The following BDNF variants were observed in gnomAD, a reference collection of about 807,000 sequenced individuals.
BDNF encodes the protein brain derived neurotrophic factor.
BDNF carries 1 observed loss-of-function variant against 19.5 expected under a neutral mutation model. That is an observed-to-expected ratio of 0.05 (90% CI 0.02 to 0.24). The LOEUF is 0.24. Ranked by LOEUF, BDNF falls within the 10% of genes least tolerant of loss-of-function variation. The pLI, the probability that BDNF is intolerant of heterozygous loss-of-function variation, is 1.00. For missense variants in BDNF, 195 were observed against 317.6 expected, an observed-to-expected ratio of 0.61 and a Z score of 2.93; for synonymous variants, 100 against 121.6, an observed-to-expected ratio of 0.82 and a Z score of 1.17.
At chr11:27,698,376 T>C (rs528124081) in intron 1 of BDNF, among the ~76,000 whole-genome samples, 1 of 152,242 alleles carries the variant, frequency 6.6e-6, no homozygotes, top group South Asian at 2.1e-4. Flanking sequence ...CTATGTTACC[T>C]ATTATGTGTA....
At chr11:27,669,809 TATC>T (rs1409390769) in intron 1 of BDNF, among the ~76,000 whole-genome samples, 2 of 152,208 alleles carry the variant, frequency 1.3e-5, no homozygotes, top group South Asian at 2.1e-4. Context: ...GAAGAATCAA[TATC>T]ATGAAAATGG....
chr11:27,656,405 T>C lies in BDNF; in HGVS notation c.*1416A>G, dbSNP rs1852548645. 2 of 377,302 alleles carry C rather than the reference T, an allele frequency of 5.3e-6. No homozygotes were observed. The highest frequency in any genetic ancestry group is 2.2e-4 in the South Asian group (2 of 9,264). The allele number at this position is 377,302 out of a possible 1,614,324, so 23.4% of individuals were successfully genotyped here. A position where few individuals can be genotyped will look rare whatever the true frequency, so the allele number is the denominator to read the frequency against. ...GAACCTCTTGAGCACAGTTAGATAA[T>C]GTAGGCACTTAAAGCACGAGGTCCA... On this transcript the variant is annotated 3_prime_UTR_variant, in exon 2 of 2. Transcript: ENST00000356660.
At chr11:27,706,065 G>A (rs1438459820) in intron 1 of BDNF, among the ~76,000 whole-genome samples, 2 of 152,318 alleles carry the variant, frequency 1.3e-5, no homozygotes, top group Non-Finnish European at 1.5e-5. Flanking sequence ...TGGCCAGGGG[G>A]TGGTAGTGAT....
At chr11:27,692,708 C>T (rs1341728873) in intron 1 of BDNF, among the ~76,000 whole-genome samples, 1 of 152,094 alleles carries the variant, frequency 6.6e-6, no homozygotes, top group African/African-American at 2.4e-5. Context: ...TCAATATTTG[C>T]TAAATTAAAT....
chr11:27,676,729 A>G (rs1856167878), intron 1 of BDNF, among the ~76,000 whole-genome samples: 1 of 152,222 alleles, frequency 6.6e-6, no homozygotes, highest in Admixed American at 6.5e-5. Context: ...GTGTAAAATC[A>G]TTCCTCAAAA....
At chr11:27,668,411 A>G (rs765267020) in intron 1 of BDNF, among the ~76,000 whole-genome samples, 1 of 152,226 alleles carries the variant, frequency 6.6e-6, no homozygotes, top group Non-Finnish European at 1.5e-5. Context: ...AACTAAGATC[A>G]GAGTAGAACT....
At chr11:27,668,436 C>A (rs1319192089) in intron 1 of BDNF, among the ~76,000 whole-genome samples, 2 of 151,938 alleles carry the variant, frequency 1.3e-5, no homozygotes, top group Non-Finnish European at 1.5e-5. Flanking sequence ...GAGATAGAGA[C>A]AGAAAAACTC....
At chr11:27,701,583 G>T (rs758242006), upstream of BDNF, 5 of 986,736 alleles carry the variant, frequency 5.1e-6, no homozygotes, top group Middle Eastern at 5.2e-4. Flanking sequence ...TAGTTCGCCG[G>T]GGGGAGCGGC....
intron 1 of BDNF, chr11:27,720,641 T>C (rs1417193168): frequency 7.1e-6 from 7 of 985,360 alleles, no homozygotes; most frequent in Non-Finnish European, 8.4e-6. Flanking sequence ...CCAAGAAGAC[T>C]ACCTGGGGGT....
At chr11:27,701,704 A>G, upstream of BDNF, 1 of 744,750 alleles carries the variant, frequency 1.3e-6, no homozygotes, top group Non-Finnish European at 1.6e-6. Flanking sequence ...GCCTCGAAAT[A>G]GACACTCTAG....
chr11:27,721,794 A>C (rs762744495), exon 1 of BDNF: 76 of 279,766 alleles, frequency 2.7e-4, no homozygotes, highest in Admixed American at 2.1e-3. Flanking sequence ...GCTGCCTTCT[A>C]ACCGCCCGTT....
At chr11:27,696,702 G>T (rs1158882381) in intron 1 of BDNF, among the ~76,000 whole-genome samples, 1 of 152,184 alleles carries the variant, frequency 6.6e-6, no homozygotes, top group East Asian at 1.9e-4. Flanking sequence ...AAAACAAGTT[G>T]AGACAAGTTA....
rs1852743419 is a variant in BDNF, at chr11:27,657,604, T to C, written c.*217A>G. On this transcript the variant is annotated 3_prime_UTR_variant, in exon 2 of 2. Transcript: ENST00000356660. The surrounding 1 kb of genome is among the most constrained non-coding windows in gnomAD (Gnocchi z 5.0). ...ACCACAACATTATCAAGGAATGTAA[T>C]GCAGACTTTTTAAGTTGTGCGCAAA... 1 of 1,367,122 alleles carries C rather than the reference T, an allele frequency of 7.3e-7. No individual in the cohort carries two copies. Among genetic ancestry groups the C allele is most frequent in the Non-Finnish European group, 9.4e-7 (1 of 1,063,336 alleles). 84.7% of individuals were successfully genotyped at this position (1,367,122 alleles called of 1,614,324 possible).
Position 27,657,487 on chromosome 11 carries a change from G to A in BDNF, c.*334C>T. 5 of 1,069,278 alleles carry A rather than the reference G, an allele frequency of 4.7e-6. No homozygotes were observed. Among genetic ancestry groups the A allele is most frequent in the Non-Finnish European group, 5.7e-6 (5 of 881,782 alleles). The allele number at this position is 1,069,278 out of a possible 1,614,324, so 66.2% of individuals were successfully genotyped here. On this transcript the variant is annotated 3_prime_UTR_variant, in exon 2 of 2. Coordinates refer to ENST00000356660, the MANE Select transcript of BDNF (RefSeq NM_001709.5). This position sits in a 1 kb window ranked among gnomAD's most constrained non-coding sequence, Gnocchi z 5.0. ...TGTTTTTTTTCTGTTTTCTGAAAGA[G>A]GACAGTTTATTATCAATTCACAATT...
At chr11:27,661,471 C>A (rs998392171) in intron 1 of BDNF, among the ~76,000 whole-genome samples, 14 of 152,302 alleles carry the variant, frequency 9.2e-5, no homozygotes, top group African/African-American at 3.4e-4. Flanking sequence ...TCCTGGCCAT[C>A]CCTTTTTATC....
At chr11:27,709,454 T>A (rs1860242215) in intron 1 of BDNF, among the ~76,000 whole-genome samples, 1 of 152,248 alleles carries the variant, frequency 6.6e-6, no homozygotes, top group Admixed American at 6.5e-5. Flanking sequence ...ATTAAAGTGT[T>A]GTTATGCTTA....
chr11:27,670,890 A>G (rs931346238), intron 1 of BDNF, among the ~76,000 whole-genome samples: 1 of 152,238 alleles, frequency 6.6e-6, no homozygotes, highest in Non-Finnish European at 1.5e-5. Context: ...CATTTGAGCC[A>G]GCCATCCCAT....
At chr11:27,699,554 G>A in intron 1 of BDNF, 1 of 1,562,208 alleles carries the variant, frequency 6.4e-7, no homozygotes, top group Non-Finnish European at 8.7e-7. Flanking sequence ...GAGTGTCGCA[G>A]ACCCTTTCAG....
At position 27,658,240 on chromosome 11, in the gene BDNF, G is replaced by A. The variant is rs1852823545; in HGVS notation, c.325C>T (p.Leu109=). 3 of 1,613,814 alleles carry A rather than the reference G, an allele frequency of 1.9e-6. No homozygotes were observed. The Admixed American group carries it at 5.0e-5, about 27-fold the overall frequency. Residue 109 remains leucine, a synonymous_variant, in exon 2 of 2, where the codon CTG becomes TTG. Coordinates refer to ENST00000356660, the MANE Select transcript of BDNF (RefSeq NM_001709.5). This position sits in a 1 kb window ranked among gnomAD's most constrained non-coding sequence, Gnocchi z 5.7. ...QVPLEPPLLF[L]LEEYKNYLDA... ...AGGTAATTTTTGTATTCCTCCAGCAGAAAGAGAAGAGGAGGCTCCAAAGGC... is the reference window on the plus strand; with the variant it reads ...AGGTAATTTTTGTATTCCTCCAGCAAAAAGAGAAGAGGAGGCTCCAAAGGC...
Sources: gnomAD v4.1 joint callset for allele counts (sites outside exome capture counted in the v4.1 genomes callset) on GRCh38, gnomAD v4.1.1 for gene constraint, Gnocchi (gnomAD v3.1) non-coding constraint, MANE v1.5 for transcripts, NCBI Gene and HGNC (gene_info 2026-07-23, HGNC 2026-07-21) for gene names.